PPARGC1A: variants seen among roughly 807,000 people sequenced by gnomAD.
The protein encoded by PPARGC1A is peroxisome proliferator-activated receptor gamma coactivator 1-alpha.
A neutral mutation model predicts 88.7 loss-of-function variants in PPARGC1A; 25 were observed. The observed-to-expected ratio is 0.28, with a 90% CI of 0.21 to 0.39. PPARGC1A has a LOEUF of 0.39. PPARGC1A is among the 10% of genes least tolerant of loss of function. The probability of loss-of-function intolerance (pLI) is 1.00; values close to 1 mark genes in which losing one functional copy is unlikely to be tolerated. For synonymous variants in PPARGC1A, 363 were observed against 355.6 expected, an observed-to-expected ratio of 1.02 and a Z score of -0.24; for missense variants, 880 against 968.7, an observed-to-expected ratio of 0.91 and a Z score of 1.22.
the PPARGC1A span, among the ~76,000 whole-genome samples, chr4:23,996,877 G>T: frequency 1.3e-5 from 2 of 152,156 alleles, no homozygotes; most frequent in African/African-American, 4.8e-5. Context: ...GTGCTAGTTT[G>T]CCAACACCCA....
At chr4:23,950,537 T>G in the PPARGC1A span, among the ~76,000 whole-genome samples, 2 of 152,152 alleles carry the variant, frequency 1.3e-5, no homozygotes, top group Admixed American at 1.3e-4. Flanking sequence ...TAGAAAACAC[T>G]GGAACTGACT....
chr4:24,280,499 A>G, the PPARGC1A span, among the ~76,000 whole-genome samples: 1 of 152,040 alleles, frequency 6.6e-6, no homozygotes, highest in Non-Finnish European at 1.5e-5. Flanking sequence ...AGAGAAGAAG[A>G]AAGGAAGGAA....
the PPARGC1A span, among the ~76,000 whole-genome samples, chr4:24,057,598 G>A: frequency 1.3e-5 from 2 of 152,160 alleles, no homozygotes; most frequent in East Asian, 1.9e-4. Flanking sequence ...TGGCATAGAC[G>A]GCAGGGAAAG....
the PPARGC1A span, among the ~76,000 whole-genome samples, chr4:23,937,532 AAAT>A: frequency 4.6e-5 from 7 of 151,974 alleles, no homozygotes; most frequent in Non-Finnish European, 1.0e-4. Context: ...ATAAAAAATA[AAAT>A]AAAATAAAAT....
chr4:24,255,871 T>C, the PPARGC1A span, among the ~76,000 whole-genome samples: 91,204 of 152,022 alleles, frequency 0.6, 28,325 homozygotes, highest in Non-Finnish European at 0.7. Flanking sequence ...ATTGGGATAA[T>C]AATAGTACCT....
chr4:24,313,035 G>A, the PPARGC1A span, among the ~76,000 whole-genome samples: 2 of 152,184 alleles, frequency 1.3e-5, no homozygotes, highest in African/African-American at 4.8e-5. Flanking sequence ...ACTTTAGCAG[G>A]TGAGATGTAA....
chr4:24,370,443 CA>C, the PPARGC1A span, among the ~76,000 whole-genome samples: 2 of 151,890 alleles, frequency 1.3e-5, no homozygotes, highest in Admixed American at 6.6e-5. Flanking sequence ...ACAAATAACA[CA>C]AAAAAAGAGT....
the PPARGC1A span, among the ~76,000 whole-genome samples, chr4:24,423,650 G>T: frequency 6.6e-6 from 1 of 152,186 alleles, no homozygotes; most frequent in Admixed American, 6.5e-5. Context: ...TTTATCATCT[G>T]CCTAATGCTA....
At chr4:24,019,986 CA>C in the PPARGC1A span, among the ~76,000 whole-genome samples, 1 of 152,208 alleles carries the variant, frequency 6.6e-6, no homozygotes. Context: ...GGCTAATCAG[CA>C]CACTCATAGA....
the PPARGC1A span, among the ~76,000 whole-genome samples, chr4:24,217,047 A>T: frequency 1.3e-5 from 2 of 152,218 alleles, no homozygotes; most frequent in African/African-American, 4.8e-5. Flanking sequence ...AGCCTTCAGC[A>T]GACTCCGGAA....
intron 7 of PPARGC1A, among the ~76,000 whole-genome samples, chr4:23,820,819 C>T (rs1022056017): frequency 4.6e-5 from 7 of 152,050 alleles, no homozygotes; most frequent in African/African-American, 1.4e-4. Flanking sequence ...TTTGTTGACT[C>T]CTTACATTTC....
At chr4:23,910,553 G>A in the PPARGC1A span, among the ~76,000 whole-genome samples, 5 of 147,324 alleles carry the variant, frequency 3.4e-5, no homozygotes, top group Non-Finnish European at 5.9e-5. Context: ...CAATTCTCCT[G>A]CCTCAGCCTC....
At chr4:24,419,369 G>C in the PPARGC1A span, among the ~76,000 whole-genome samples, 1 of 149,210 alleles carries the variant, frequency 6.7e-6, no homozygotes, top group South Asian at 2.2e-4. Context: ...GTGTGTGTGT[G>C]TGTGTGTGTG....
the PPARGC1A span, among the ~76,000 whole-genome samples, chr4:24,216,315 T>C: frequency 6.6e-6 from 1 of 151,980 alleles, no homozygotes; most frequent in Non-Finnish European, 1.5e-5. Context: ...GCTCAGCTAC[T>C]TTTTGTATTT....
At chr4:24,344,138 C>A in the PPARGC1A span, among the ~76,000 whole-genome samples, 1 of 151,542 alleles carries the variant, frequency 6.6e-6, no homozygotes, top group Non-Finnish European at 1.5e-5. Flanking sequence ...TTTTTTTAAT[C>A]CACTCATTGA....
upstream of PPARGC1A, among the ~76,000 whole-genome samples, chr4:23,901,767 A>T (rs556528590): frequency 6.6e-6 from 1 of 152,352 alleles, no homozygotes; most frequent in East Asian, 1.9e-4. Context: ...GTGGGCTATC[A>T]ACTAAATTGT....
the PPARGC1A span, among the ~76,000 whole-genome samples, chr4:23,913,259 T>G: frequency 3.9e-4 from 19 of 49,000 alleles, no homozygotes; most frequent in South Asian, 6.3e-4. Flanking sequence ...TATATATATA[T>G]ATATATATAG....
chr4:24,297,120 A>G, the PPARGC1A span, among the ~76,000 whole-genome samples: 1 of 152,184 alleles, frequency 6.6e-6, no homozygotes, highest in East Asian at 1.9e-4. Flanking sequence ...ACTCGAAGCT[A>G]GTGCATTAGA....
At chr4:23,978,653 C>A in the PPARGC1A span, among the ~76,000 whole-genome samples, 2 of 152,240 alleles carry the variant, frequency 1.3e-5, no homozygotes, top group East Asian at 1.9e-4. Context: ...AAAAGTGCAC[C>A]CTGCCACTTC....
Sources: allele counts gnomAD v4.1 joint callset (sites outside exome capture counted in the v4.1 genomes callset), GRCh38; gene constraint gnomAD v4.1.1; transcripts MANE v1.5; gene names NCBI Gene and HGNC (gene_info 2026-07-23, HGNC 2026-07-21).